The following YEATS2 variants were observed in gnomAD, a reference collection of about 807,000 sequenced individuals.
YEATS2 encodes YEATS domain containing 2, also known as YEATS domain-containing protein 2.
Under a neutral mutation model 163.2 loss-of-function variants are expected in YEATS2, and 77 were observed. That is an observed-to-expected ratio of 0.47 (90% CI 0.39 to 0.57). The LOEUF (loss-of-function observed/expected upper bound fraction) is 0.57, where lower values mean the gene tolerates loss of function less well. Ranked by LOEUF, YEATS2 falls within the 20% of genes least tolerant of loss-of-function variation. The pLI, the probability that YEATS2 is intolerant of heterozygous loss-of-function variation, is 0.00. For missense variants in YEATS2, 1,549 were observed against 1,729.8 expected, an observed-to-expected ratio of 0.90 and a Z score of 1.85; for synonymous variants, 631 against 645.1, an observed-to-expected ratio of 0.98 and a Z score of 0.33.
chr3:183,761,995 C>A, intron 14 of YEATS2, 102 bp from the exon 15 acceptor site: 1 of 1,477,998 alleles, frequency 6.8e-7, no homozygotes, highest in Non-Finnish European at 9.4e-7. Context: ...CAAGTTTCAT[C>A]AATTCATTAA....
At chr3:183,800,674 C>A in intron 24 of YEATS2, 106 bp downstream of exon 24, 1 of 868,814 alleles carries the variant, frequency 1.2e-6, no homozygotes, top group Non-Finnish European at 1.8e-6. Flanking sequence ...AAGCCCTTGA[C>A]GGGAGGAACT....
intron 9 of YEATS2, among the ~76,000 whole-genome samples, chr3:183,750,674 C>T (rs1372459789): frequency 6.6e-6 from 1 of 152,120 alleles, no homozygotes; most frequent in Non-Finnish European, 1.5e-5. Flanking sequence ...TTTCTCTAAT[C>T]ATTAGTGATG....
chr3:183,712,719 A>G (rs1311727383), intron 1 of YEATS2, among the ~76,000 whole-genome samples: 1 of 152,046 alleles, frequency 6.6e-6, no homozygotes, highest in African/African-American at 2.4e-5. Context: ...GCCACCAGCC[A>G]CAAGTAGTTA....
chr3:183,740,642 A>G lies in YEATS2; in HGVS notation c.924+3813A>G, dbSNP rs185996518. ...GGTGAGGAAGCTTCAGAGGAAAAGT[A>G]TGAAGCTAGCAGATGTTGGTTCGTG... On this transcript the variant is annotated intron_variant, in intron 8 of 30. Transcript: ENST00000305135. 7.2e-5 allele frequency among the ~76,000 whole-genome samples: 11 copies of G among 152,390 alleles called. No individual in the cohort carries two copies. The East Asian group carries it at 1.2e-3, about 16-fold the overall frequency.
Position 183,715,184 on chromosome 3 carries a change from A to G in YEATS2, c.22A>G (p.Ile8Val), listed in dbSNP as rs1175356681. Reference sequence around the variant, plus strand: ...CATCATGTCTGGAATCAAGCGAACCATCAAAGAAACCGACCCTGATTACGA... The same window carrying G: ...CATCATGTCTGGAATCAAGCGAACCGTCAAAGAAACCGACCCTGATTACGA... MSGIKRTIKETDPDYEDV... is the reference protein window; with the variant it reads MSGIKRTVKETDPDYEDV... Residue 8 changes from isoleucine to valine, a missense_variant, in exon 2 of 31, where the codon ATC (isoleucine) becomes GTC (valine). Coordinates refer to ENST00000305135, the MANE Select transcript of YEATS2 (RefSeq NM_018023.5). 3 of 1,613,270 alleles carry G rather than the reference A, an allele frequency of 1.9e-6. No individual in the cohort carries two copies. The highest frequency in any genetic ancestry group is 1.7e-5 in the Admixed American group (1 of 59,936).
chr3:183,745,804 T>C (rs1719475286), intron 8 of YEATS2, among the ~76,000 whole-genome samples: 1 of 152,094 alleles, frequency 6.6e-6, no homozygotes, highest in African/African-American at 2.4e-5. Flanking sequence ...ACCCCGTTTG[T>C]CCTTTTGTCG....
chr3:183,717,851 T>A, intron 3 of YEATS2, 103 bp downstream of exon 3: 12 of 431,742 alleles, frequency 2.8e-5, no homozygotes, highest in Non-Finnish European at 4.5e-5. Flanking sequence ...TGCTTTATCC[T>A]CCTCTTTGCT....
chr3:183,718,414 A>T, intron 3 of YEATS2, 86 bp from the exon 4 acceptor site: 1 of 1,005,392 alleles, frequency 9.9e-7, no homozygotes, highest in Admixed American at 3.2e-5. Context: ...TTTTTCACTC[A>T]TTCACGTTTC....
At chr3:183,745,596 G>A (rs906081043) in intron 8 of YEATS2, among the ~76,000 whole-genome samples, 1 of 152,080 alleles carries the variant, frequency 6.6e-6, no homozygotes, top group African/African-American at 2.4e-5. Flanking sequence ...AAATAATGAC[G>A]TGTATTTGAT....
At chr3:183,755,443 T>G (rs893008301) in intron 11 of YEATS2, among the ~76,000 whole-genome samples, 2 of 152,166 alleles carry the variant, frequency 1.3e-5, no homozygotes, top group Non-Finnish European at 2.9e-5. Context: ...ACCTACCAGG[T>G]AGAAAAATTT....
At chr3:183,788,290 C>T (rs538691202) in intron 20 of YEATS2, among the ~76,000 whole-genome samples, 1 of 152,044 alleles carries the variant, frequency 6.6e-6, no homozygotes, top group Non-Finnish European at 1.5e-5. Flanking sequence ...ATCCCCACTC[C>T]CTCCCTCCCT....
At chr3:183,720,401 C>T (rs994472554) in intron 4 of YEATS2, among the ~76,000 whole-genome samples, 15 of 151,694 alleles carry the variant, frequency 9.9e-5, no homozygotes, top group African/African-American at 3.6e-4. Context: ...CTTTCTTTTT[C>T]CTAAGTGTTT....
intron 1 of YEATS2, among the ~76,000 whole-genome samples, chr3:183,699,190 G>A (rs1022217269): frequency 6.6e-6 from 1 of 152,050 alleles, no homozygotes; most frequent in African/African-American, 2.4e-5. Flanking sequence ...GATTGGTGAG[G>A]GAATGGTGGG....
intron 4 of YEATS2, among the ~76,000 whole-genome samples, chr3:183,719,033 C>T (rs2109045241): frequency 6.6e-6 from 1 of 151,766 alleles, no homozygotes; most frequent in East Asian, 1.9e-4. Flanking sequence ...ATCCAAGAAG[C>T]CTAGCCTACT....
chr3:183,730,767 T>C (rs1212303964), intron 7 of YEATS2, among the ~76,000 whole-genome samples: 5 of 152,228 alleles, frequency 3.3e-5, no homozygotes, highest in African/African-American at 9.6e-5. Flanking sequence ...GCTGTCATTC[T>C]TAACATCCAT....
At chr3:183,796,982 G>A (rs1189085786) in intron 21 of YEATS2, among the ~76,000 whole-genome samples, 2 of 151,940 alleles carry the variant, frequency 1.3e-5, no homozygotes, top group East Asian at 3.9e-4. Flanking sequence ...TATAATCCCA[G>A]TGCTGGCCAG....
In YEATS2 at chr3:183,803,295, A is replaced by C; in HGVS notation, c.3542A>C (p.Gln1181Pro). Reference protein sequence around the residue: ...ASCFSAKSVEQYYGWNIGKRR... With the variant: ...ASCFSAKSVEPYYGWNIGKRR... ...TGCTTTTCTGCAAAGTCTGTGGAGC[A>C]GTACTATGGCTGGAACATTGGAAAA... Residue 1181 changes from glutamine to proline, a missense_variant, in exon 26 of 31, where the codon CAG becomes CCG. Gln to Pro is a moderately conservative substitution (Grantham distance 76, BLOSUM62 -1). Coordinates refer to ENST00000305135, the MANE Select transcript of YEATS2 (RefSeq NM_018023.5). The C allele has an allele frequency of 6.2e-7, 1 of 1,612,006 alleles. No homozygotes were observed. Among genetic ancestry groups the C allele is most frequent in the Non-Finnish European group, 8.5e-7 (1 of 1,179,908 alleles).
chr3:183,718,398 CTT>C, intron 3 of YEATS2, 100 bp from the exon 4 acceptor site: 6 of 779,166 alleles, frequency 7.7e-6, no homozygotes, highest in Non-Finnish European at 9.5e-6. Context: ...AGAAGTTGAG[CTT>C]TTTTTTTTCA....
intron 3 of YEATS2, among the ~76,000 whole-genome samples, chr3:183,718,143 T>A (rs1716103113): frequency 6.6e-6 from 1 of 152,238 alleles, no homozygotes; most frequent in East Asian, 1.9e-4. Context: ...ATGCATTGTA[T>A]GCCTCTATCA....
Sources: allele counts gnomAD v4.1 joint callset (sites outside exome capture counted in the v4.1 genomes callset), GRCh38; gene constraint gnomAD v4.1.1; transcripts MANE v1.5; gene names NCBI Gene and HGNC (gene_info 2026-07-23, HGNC 2026-07-21).